Variants in KIF26A observed in about 807,000 individuals in gnomAD.
KIF26A encodes the protein kinesin-like protein KIF26A.
A neutral mutation model predicts 126.0 loss-of-function variants in KIF26A; 74 were observed. The ratio of observed to expected loss-of-function variants is 0.59; its 90% CI spans 0.49 to 0.71. The LOEUF (loss-of-function observed/expected upper bound fraction) is 0.71, where lower values mean the gene tolerates loss of function less well. KIF26A is among the 30% of genes least tolerant of loss of function. The pLI, the probability that KIF26A is intolerant of heterozygous loss-of-function variation, is 0.00. For synonymous variants in KIF26A, 1,445 were observed against 1,232.7 expected, an observed-to-expected ratio of 1.17 and a Z score of -3.61; for missense variants, 2,984 against 2,763.3, an observed-to-expected ratio of 1.08 and a Z score of -1.79.
chr14:104,176,337 G>A lies in KIF26A; in HGVS notation c.3549G>A (p.Val1183=). Residue 1183 remains valine (V), a synonymous_variant, in exon 12 of 15, where the codon GTG becomes GTA. Coordinates refer to ENST00000423312, the MANE Select transcript of KIF26A (RefSeq NM_015656.2). ...CGTGCCCTGGGGAAGTGGCTGCAGT[G>A]GCCCCATCCCGACCCGGCAGGGAGC... ...WGPCPGEVAA[V]APSRPGREPQ... is the part of the protein sequence containing the mutation. The A allele has an allele frequency of 6.3e-7, 1 of 1,584,266 alleles. No homozygotes were observed. Among genetic ancestry groups the A allele is most frequent in the Non-Finnish European group, 8.6e-7 (1 of 1,162,064 alleles).
In KIF26A at chr14:104,179,449, C is replaced by A. The variant is rs898974273; in HGVS notation, c.5467+63C>A. 19 of 1,445,048 alleles carry A rather than the reference C, an allele frequency of 1.3e-5. No individual in the cohort carries two copies. The African/African-American group carries it at 2.6e-4, about 20-fold the overall frequency. 89.5% of individuals were successfully genotyped at this position (1,445,048 alleles called of 1,614,324 possible). The stretch of plus-strand genomic sequence containing the variant: ...CGTGTGCCCTGACAGCTGCCCTCCC[C>A]TCCCAGAGCCCTGTTGCTCTCCTGT... On this transcript the variant is annotated intron_variant, in intron 14 of 14. Coordinates refer to ENST00000423312, the MANE Select transcript of KIF26A (RefSeq NM_015656.2).
chr14:104,175,059 C>T lies in KIF26A; in HGVS notation c.2271C>T (p.Phe757=), dbSNP rs1471799761. 2.5e-6 allele frequency: 4 copies of T among 1,584,138 alleles called. No homozygotes were observed. The highest frequency in any genetic ancestry group is 3.4e-6 in the Non-Finnish European group (4 of 1,167,614). The change falls in exon 12 of 15, where the codon TTC becomes TTT. Residue 757 remains phenylalanine (F), a synonymous_variant. Coordinates refer to ENST00000423312, the MANE Select transcript of KIF26A (RefSeq NM_015656.2). ...RARRPPHLRP[F]HPRTVALDPD... is the part of the protein sequence containing the mutation. ...GTCGGCCCCCGCACCTGCGGCCCTT[C>T]CACCCACGCACTGTGGCCCTGGACC... is the stretch of plus-strand genomic sequence containing the variant.
chr14:104,158,281 C>T (rs974261646), intron 4 of KIF26A, among the ~76,000 whole-genome samples: 2 of 152,252 alleles, frequency 1.3e-5, no homozygotes, highest in Admixed American at 1.3e-4. Flanking sequence ...CCTCAGTTTC[C>T]TCCCGTCAGC....
chr14:104,141,644 G>A (rs1277538896), intron 2 of KIF26A, among the ~76,000 whole-genome samples: 1 of 151,010 alleles, frequency 6.6e-6, no homozygotes, highest in African/African-American at 2.5e-5. Context: ...GTAGAGGGAG[G>A]CGTAGAGGGT....
chr14:104,169,452 G>A (rs1345253011), intron 5 of KIF26A, among the ~76,000 whole-genome samples: 5 of 152,132 alleles, frequency 3.3e-5, no homozygotes, highest in African/African-American at 9.7e-5. Context: ...TCTCTCCATG[G>A]CAGTCACACC....
Position 104,173,446 on chromosome 14 carries a change from C to T in KIF26A, c.1800C>T (p.Arg600=), listed in dbSNP as rs764308571. Residue 600 remains arginine, a synonymous_variant, in exon 9 of 15, where the codon CGC becomes CGT. Coordinates refer to ENST00000423312, the MANE Select transcript of KIF26A (RefSeq NM_015656.2). ...CGGGCTGTGGCGAGGACGCCCGACG[C>T]AGCTCCCACATGTTGTTCACGCTGC... ...SRAGCGEDAR[R]SSHMLFTLHV... is the part of the protein sequence containing the mutation. 21 of 1,588,196 alleles carry T rather than the reference C, an allele frequency of 1.3e-5. No individual in the cohort carries two copies. In the East Asian group the frequency reaches 4.8e-4, roughly 37 times the overall value.
Position 104,177,903 on chromosome 14 carries a change from G to T in KIF26A, c.5110+5G>T. On this transcript the variant is annotated splice_donor_5th_base_variant and intron_variant, in intron 12 of 14. Transcript: ENST00000423312. ...CCCCCAAGAAGAGGGCCACAGGTGGGTGCAGAGGTGCACAGCCCTCTACAG... is the reference window on the plus strand; with the variant it reads ...CCCCCAAGAAGAGGGCCACAGGTGGTTGCAGAGGTGCACAGCCCTCTACAG... 6.6e-7 allele frequency: 1 copy of T among 1,513,578 alleles called. No individual in the cohort carries two copies. 93.8% of individuals were successfully genotyped at this position (1,513,578 alleles called of 1,614,324 possible).
intron 5 of KIF26A, 108 bp downstream of exon 5, chr14:104,167,156 G>A: frequency 8.2e-7 from 1 of 1,225,912 alleles, no homozygotes; most frequent in South Asian, 1.7e-5. Flanking sequence ...TCTCTGGGTT[G>A]GATAAGGGTG....
intron 3 of KIF26A, among the ~76,000 whole-genome samples, chr14:104,156,289 G>A (rs1250950623): frequency 1.3e-5 from 2 of 152,236 alleles, no homozygotes; most frequent in African/African-American, 4.8e-5. Flanking sequence ...TGAGGTGAGG[G>A]AGTGGCTGGG....
intron 2 of KIF26A, 150 bp downstream of exon 2, chr14:104,139,438 TCA>T: frequency 2.8e-6 from 3 of 1,064,346 alleles, no homozygotes; most frequent in Non-Finnish European, 2.5e-6. Context: ...TCTGCGGGCC[TCA>T]GTTTCCCGGT....
intron 2 of KIF26A, among the ~76,000 whole-genome samples, chr14:104,141,765 C>A (rs911895998): frequency 1.3e-5 from 2 of 152,170 alleles, no homozygotes; most frequent in Non-Finnish European, 2.9e-5. Flanking sequence ...TTTAGCAACA[C>A]CCGATGCCTG....
intron 4 of KIF26A, among the ~76,000 whole-genome samples, chr14:104,162,714 G>A (rs934735488): frequency 3.9e-5 from 6 of 152,082 alleles, no homozygotes; most frequent in Non-Finnish European, 5.9e-5. Context: ...GGGTGGGCGT[G>A]ACCTCTCCCC....
At position 104,138,666 on chromosome 14, in the gene KIF26A, C is replaced by T. The variant is rs1459277332; in HGVS notation, c.-57C>T. Reference sequence around the variant, plus strand: ...GGGGCCGGATCACGTAGCCGCGGCGCCCCCGGAGAGCCAGCGTGGCCGGGA... The same window carrying T: ...GGGGCCGGATCACGTAGCCGCGGCGTCCCCGGAGAGCCAGCGTGGCCGGGA... On this transcript the variant is annotated 5_prime_UTR_variant, in exon 1 of 15. Transcript: ENST00000423312. 2.4e-5 allele frequency: 29 copies of T among 1,233,438 alleles called. No individual in the cohort carries two copies. The highest frequency in any genetic ancestry group is 2.8e-5 in the Non-Finnish European group (27 of 981,740). 76.4% of individuals were successfully genotyped at this position (1,233,438 alleles called of 1,614,324 possible).
chr14:104,175,279 C>T lies in KIF26A; in HGVS notation c.2491C>T (p.Arg831Ter). ...CCGCCACCGGCCCTCCAAGGGTCCC[C>T]GAGACGCAGACCACTTCCGCTGCAG... Reference protein sequence around the residue: ...LSRHRPSKGPRDADHFRCSTF... With the variant: ...LSRHRPSKGP Residue 831 changes from arginine to a stop codon, truncating the protein, a stop_gained, in exon 12 of 15, where the codon CGA becomes TGA. Transcript: ENST00000423312. LOFTEE classifies it high-confidence loss of function. 6 of 1,605,300 alleles carry T rather than the reference C, an allele frequency of 3.7e-6. No homozygotes were observed. Among genetic ancestry groups the T allele is most frequent in the Non-Finnish European group, 3.4e-6 (4 of 1,179,574 alleles).
intron 5 of KIF26A, among the ~76,000 whole-genome samples, chr14:104,169,223 C>T (rs1296931617): frequency 1.3e-5 from 2 of 152,218 alleles, no homozygotes; most frequent in South Asian, 2.1e-4. Context: ...CGGTGGTGGG[C>T]AGGCAGCATC....
At chr14:104,178,488 C>T (rs2038061429) in intron 12 of KIF26A, 62 bp from the exon 13 acceptor site, 2 of 1,295,206 alleles carry the variant, frequency 1.5e-6, no homozygotes, top group Non-Finnish European at 2.0e-6. Flanking sequence ...AGCGTCCCCG[C>T]AGGGGCTGTG....
Position 104,176,327 on chromosome 14 carries a change from T to A in KIF26A, c.3539T>A (p.Val1180Glu). ...GPTWGPCPGE[V>E]AAVAPSRPGR... is the part of the protein sequence containing the mutation. ...ACCTGGGGTCCGTGCCCTGGGGAAG[T>A]GGCTGCAGTGGCCCCATCCCGACCC... The change falls in exon 12 of 15, where the codon GTG (valine) becomes GAG (glutamate). Residue 1180 changes from valine to glutamate, a missense_variant. By Grantham distance (121) the Val-to-Glu change is moderately radical. Transcript: ENST00000423312. The A allele has an allele frequency of 6.3e-7, 1 of 1,584,160 alleles. No homozygotes were observed. Among genetic ancestry groups the A allele is most frequent in the Non-Finnish European group, 8.6e-7 (1 of 1,162,194 alleles).
rs115178965 is a variant in KIF26A, at chr14:104,143,477, G to A, written c.288+4189G>A. Among the ~76,000 whole-genome samples the A allele has an allele frequency of 5.0e-3, 768 of 152,182 alleles. 4 individuals are homozygous for A. Among genetic ancestry groups the A allele is most frequent in the African/African-American group, 0.018 (740 of 41,550 alleles). ...TGGAGGTGACTCCTGCCAGCTTTTC[G>A]TTCCTCCTGCCAGCTTTTCGTTCCT... On this transcript the variant is annotated intron_variant, in intron 2 of 14. Transcript: ENST00000423312.
Position 104,162,175 on chromosome 14 carries a change from G to A in KIF26A, c.923+4233G>A, listed in dbSNP as rs142532444. Among the ~76,000 whole-genome samples, 20 of 152,334 alleles carry A rather than the reference G, an allele frequency of 1.3e-4. No homozygotes were observed. The East Asian group carries it at 2.3e-3, about 18-fold the overall frequency. On this transcript the variant is annotated intron_variant, in intron 4 of 14. Transcript: ENST00000423312. ...TGAGTCATACCAGTGAGGTAAGCCC[G>A]TAAAAGCAGGCACCGGGAGGGCCCA...
Sources: allele counts gnomAD v4.1 joint callset (sites outside exome capture counted in the v4.1 genomes callset), GRCh38; gene constraint gnomAD v4.1.1; transcripts MANE v1.5; gene names NCBI Gene and HGNC (gene_info 2026-07-23, HGNC 2026-07-21).